JAKMIP1: variants seen among roughly 807,000 people sequenced by gnomAD.
The protein encoded by JAKMIP1 is janus kinase and microtubule interacting protein 1, also known as janus kinase and microtubule-interacting protein 1.
In JAKMIP1, 33 loss-of-function variants were observed where a neutral mutation model predicts 113.0. The ratio of observed to expected loss-of-function variants is 0.29; its 90% CI spans 0.22 to 0.39. The LOEUF is 0.39. Ranked by LOEUF, JAKMIP1 falls within the 10% of genes least tolerant of loss-of-function variation. The pLI is 1.00. For synonymous variants in JAKMIP1, 480 were observed against 459.9 expected, an observed-to-expected ratio of 1.04 and a Z score of -0.56; for missense variants, 813 against 1,080.5, an observed-to-expected ratio of 0.75 and a Z score of 3.47.
intron 1 of JAKMIP1, among the ~76,000 whole-genome samples, chr4:6,133,524 C>T (rs1718810950): frequency 6.6e-6 from 1 of 152,224 alleles, no homozygotes; most frequent in South Asian, 2.1e-4. Context: ...ATTCATTCAT[C>T]TCCCCTCTGC....
rs971064938 is a variant in JAKMIP1, at chr4:6,048,901, C to T, written c.1984G>A (p.Val662Ile). 1.2e-6 allele frequency: 2 copies of T among 1,613,854 alleles called. No individual in the cohort carries two copies. Among genetic ancestry groups the T allele is most frequent in the Non-Finnish European group, 1.7e-6 (2 of 1,179,852 alleles). Residue 662 changes from valine (V) to isoleucine (I), a missense_variant, in exon 16 of 21, where the codon GTT (valine) becomes ATT (isoleucine). Physicochemically the swap from Val to Ile is conservative, Grantham distance 29. Coordinates refer to ENST00000409021, the MANE Select transcript of JAKMIP1 (RefSeq NM_001099433.2). ...ACAGTTCCAGCTTGGATTATTGCAACCTGTTCTTCATTTCTCAAATTCTAA... is the reference window on the plus strand; with the variant it reads ...ACAGTTCCAGCTTGGATTATTGCAATCTGTTCTTCATTTCTCAAATTCTAA... ...DNGNLRNEEQ[V>I]AIIQAGTVLA...
rs183313426 is a variant in JAKMIP1 at position 6,138,649 on chromosome 4, T to A, written c.-147-25652A>T. 2.6e-4 allele frequency among the ~76,000 whole-genome samples: 40 copies of A among 152,176 alleles called. 1 individual carries two copies. Among genetic ancestry groups the A allele is most frequent in the African/African-American group, 8.7e-4 (36 of 41,488 alleles). ...CAGACAGACCCTCCACACACCTACA[T>A]CCACTGGCAGAACTTCACGTTCTAG... On this transcript the variant is annotated intron_variant, in intron 1 of 20. Coordinates refer to ENST00000409021, the MANE Select transcript of JAKMIP1 (RefSeq NM_001099433.2). The surrounding 1 kb of genome is among the most constrained non-coding windows in gnomAD (Gnocchi z 6.0).
At chr4:6,146,025 G>A (rs956829209) in intron 1 of JAKMIP1, among the ~76,000 whole-genome samples, 13 of 152,276 alleles carry the variant, frequency 8.5e-5, no homozygotes, top group African/African-American at 2.9e-4. Context: ...CGTTGCAAGT[G>A]TCTCTCAATA....
chr4:6,042,212 C>T lies in JAKMIP1; in HGVS notation c.2044G>A (p.Glu682Lys). The change falls in exon 17 of 21, where the codon GAG (glutamate) becomes AAG (lysine). Residue 682 changes from glutamate (E) to lysine (K), a missense_variant. Transcript: ENST00000409021. This position sits in a 1 kb window ranked among gnomAD's most constrained non-coding sequence, Gnocchi z 5.2. Reference sequence around the variant, plus strand: ...TGGGTCAGGGCGGCCTCGGTCCCCTCTATTTGCTTCAGCCACTAGAAAACA... The same window carrying T: ...TGGGTCAGGGCGGCCTCGGTCCCCTTTATTTGCTTCAGCCACTAGAAAACA... Reference protein sequence around the residue: ...ALCEKWLKQIEGTEAALTQKM... With the variant: ...ALCEKWLKQIKGTEAALTQKM... 6.2e-7 allele frequency: 1 copy of T among 1,613,858 alleles called. No homozygotes were observed. The highest frequency in any genetic ancestry group is 8.5e-7 in the Non-Finnish European group (1 of 1,179,848).
At chr4:6,198,984 C>T (rs1728145951) in intron 1 of JAKMIP1, among the ~76,000 whole-genome samples, 2 of 152,364 alleles carry the variant, frequency 1.3e-5, no homozygotes, top group African/African-American at 4.8e-5. Context: ...TCCTCCCCAC[C>T]TCCTCCTCTG....
intron 3 of JAKMIP1, among the ~76,000 whole-genome samples, chr4:6,098,228 C>T (rs369114284): frequency 5.3e-5 from 8 of 152,222 alleles, no homozygotes; most frequent in African/African-American, 1.4e-4. Context: ...GTCAGGAGTT[C>T]GAGACCAGCC....
Position 6,157,155 on chromosome 4 carries a change from A to G in JAKMIP1, c.-148+43098T>C, listed in dbSNP as rs556903515. Among the ~76,000 whole-genome samples the G allele has an allele frequency of 3.3e-4, 50 of 152,328 alleles. 1 individual carries two copies. In the South Asian group the frequency reaches 8.7e-3, roughly 27 times the overall value. ...GCTGCCTTCTGCCATGAGATGTGGC[A>G]AGAAGGCCCTTGCCAGATGCAGGTC... On this transcript the variant is annotated intron_variant, in intron 1 of 20. Transcript: ENST00000409021. This position sits in a 1 kb window ranked among gnomAD's most constrained non-coding sequence, Gnocchi z 4.7.
chr4:6,133,726 C>G (rs1448881257), intron 1 of JAKMIP1, among the ~76,000 whole-genome samples: 5 of 152,204 alleles, frequency 3.3e-5, no homozygotes, highest in Admixed American at 3.3e-4. Flanking sequence ...GTGTGTTCCC[C>G]ACGGTGTCCT....
chr4:6,173,859 C>T (rs1291804667), intron 1 of JAKMIP1, among the ~76,000 whole-genome samples: 1 of 151,916 alleles, frequency 6.6e-6, no homozygotes, highest in Non-Finnish European at 1.5e-5. Flanking sequence ...GCGGATCGCT[C>T]GAGGCCAAGA....
In JAKMIP1 at chr4:6,067,714, CCT is replaced by C. The variant is rs1260690207; in HGVS notation, c.1303-2708_1303-2707del. On this transcript the variant is annotated intron_variant, in intron 8 of 20. Coordinates refer to ENST00000409021, the MANE Select transcript of JAKMIP1 (RefSeq NM_001099433.2). The surrounding 1 kb of genome is among the most constrained non-coding windows in gnomAD (Gnocchi z 4.6). The stretch of plus-strand genomic sequence containing the variant: ...CTCTTCTGCACACACAGGTCACCCC[CCT>C]GAGCTCCACGTTCACTCAAGCTCTT... Among the ~76,000 whole-genome samples the C allele has an allele frequency of 2.1e-4, 32 of 150,602 alleles. No individual in the cohort carries two copies. Among genetic ancestry groups the C allele is most frequent in the Non-Finnish European group, 3.5e-4 (24 of 67,734 alleles).
At position 6,049,152 on chromosome 4, in the gene JAKMIP1, C is replaced by T. The variant is rs572211715; in HGVS notation, c.1963-230G>A. ...AAGTGATTCTCTTGCCTCAGCCTCCCGAGTAGCTGGGATTACAGCAGCTGG... is the reference window on the plus strand; with the variant it reads ...AAGTGATTCTCTTGCCTCAGCCTCCTGAGTAGCTGGGATTACAGCAGCTGG... On this transcript the variant is annotated intron_variant, in intron 15 of 20. Coordinates refer to ENST00000409021, the MANE Select transcript of JAKMIP1 (RefSeq NM_001099433.2). This position sits in a 1 kb window ranked among gnomAD's most constrained non-coding sequence, Gnocchi z 7.0. Among the ~76,000 whole-genome samples, 5 of 152,132 alleles carry T rather than the reference C, an allele frequency of 3.3e-5. No homozygotes were observed. The highest frequency in any genetic ancestry group is 1.3e-4 in the Admixed American group (2 of 15,278).
At chr4:6,100,457 T>C (rs953299395) in intron 3 of JAKMIP1, among the ~76,000 whole-genome samples, 4 of 152,386 alleles carry the variant, frequency 2.6e-5, no homozygotes, top group Non-Finnish European at 4.4e-5. Flanking sequence ...TTGTGTTATA[T>C]AGACATGCCA....
intron 8 of JAKMIP1, among the ~76,000 whole-genome samples, chr4:6,071,677 C>G (rs760688292): frequency 1.3e-5 from 2 of 152,224 alleles, no homozygotes; most frequent in Non-Finnish European, 2.9e-5. Context: ...AGGTCAGGCT[C>G]CCGAGCTCTG....
chr4:6,036,416 G>A (rs1713445644), intron 18 of JAKMIP1, among the ~76,000 whole-genome samples: 1 of 152,228 alleles, frequency 6.6e-6, no homozygotes. Context: ...AAACAGAGGT[G>A]CAATTCACCT....
At position 6,094,499 on chromosome 4, in the gene JAKMIP1, C is replaced by T. The variant is rs558500665; in HGVS notation, c.625-8870G>A. ...TAAACAAACCTACCAACCTCCGGGGCCCCTGGGGTCTCAGGAACTGCGGGC... is the reference window on the plus strand; with the variant it reads ...TAAACAAACCTACCAACCTCCGGGGTCCCTGGGGTCTCAGGAACTGCGGGC... On this transcript the variant is annotated intron_variant, in intron 3 of 20. Transcript: ENST00000409021. This position sits in a 1 kb window ranked among gnomAD's most constrained non-coding sequence, Gnocchi z 4.2. 6.6e-6 allele frequency among the ~76,000 whole-genome samples: 1 copy of T among 152,310 alleles called. No homozygotes were observed. Among genetic ancestry groups the T allele is most frequent in the East Asian group, 1.9e-4 (1 of 5,156 alleles).
intron 1 of JAKMIP1, among the ~76,000 whole-genome samples, chr4:6,131,038 G>A (rs1718430818): frequency 1.3e-5 from 2 of 151,416 alleles, no homozygotes. Context: ...GTTATGTGTG[G>A]GGATATACAC....
chr4:6,048,762 G>T, intron 16 of JAKMIP1, 95 bp downstream of exon 16: 2 of 1,016,636 alleles, frequency 2.0e-6, no homozygotes, highest in South Asian at 1.3e-5. Context: ...TGGAACGCAT[G>T]CTCCCACGCA....
rs750535876 is a variant in JAKMIP1 at position 6,197,217 on chromosome 4, G to C, written c.-148+3036C>G. Among the ~76,000 whole-genome samples, 3 of 152,144 alleles carry C rather than the reference G, an allele frequency of 2.0e-5. No individual in the cohort carries two copies. The highest frequency in any genetic ancestry group is 4.4e-5 in the Non-Finnish European group (3 of 68,034). ...TGCCCAACGTCACACTGTCAGTAGG[G>C]TGGGAGCTGGTCCTCAACACAGTTC... On this transcript the variant is annotated intron_variant, in intron 1 of 20. Transcript: ENST00000409021. The surrounding 1 kb of genome is among the most constrained non-coding windows in gnomAD (Gnocchi z 6.5).
rs1029012536 is a variant in JAKMIP1, at chr4:6,188,569, A to G, written c.-148+11684T>C. 3.9e-5 allele frequency among the ~76,000 whole-genome samples: 6 copies of G among 152,146 alleles called. No individual in the cohort carries two copies. The highest frequency in any genetic ancestry group is 2.1e-4 in the South Asian group (1 of 4,832). Reference sequence around the variant, plus strand: ...CCCCAAAGCCCTCTGCTCACTCACAATGATGAAGGGAAGCTACAACCCAGG... The same window carrying G: ...CCCCAAAGCCCTCTGCTCACTCACAGTGATGAAGGGAAGCTACAACCCAGG... On this transcript the variant is annotated intron_variant, in intron 1 of 20. Transcript: ENST00000409021. This position sits in a 1 kb window ranked among gnomAD's most constrained non-coding sequence, Gnocchi z 5.8.
Sources: gnomAD v4.1 joint callset for allele counts (sites outside exome capture counted in the v4.1 genomes callset) on GRCh38, gnomAD v4.1.1 for gene constraint, Gnocchi (gnomAD v3.1) non-coding constraint, MANE v1.5 for transcripts, NCBI Gene and HGNC (gene_info 2026-07-23, HGNC 2026-07-21) for gene names.